CSMD1: variants seen among roughly 807,000 people sequenced by gnomAD.
CSMD1 encodes the protein CUB and Sushi multiple domains 1, also known as CUB and sushi domain-containing protein 1.
Under a neutral mutation model 417.5 loss-of-function variants are expected in CSMD1, and 213 were observed. The ratio of observed to expected loss-of-function variants is 0.51; its 90% CI spans 0.46 to 0.57. The LOEUF (loss-of-function observed/expected upper bound fraction) is 0.57. Ranked by LOEUF, CSMD1 falls within the 20% of genes least tolerant of loss-of-function variation. CSMD1 has a pLI of 0.00. For synonymous variants in CSMD1, 2,862 were observed against 1,736.8 expected, an observed-to-expected ratio of 1.65 and a Z score of -16.11; for missense variants, 6,923 against 4,529.7, an observed-to-expected ratio of 1.53 and a Z score of -15.17.
intron 25 of CSMD1, among the ~76,000 whole-genome samples, chr8:3,302,512 C>G (rs766226811): frequency 6.6e-6 from 1 of 152,164 alleles, no homozygotes; most frequent in Non-Finnish European, 1.5e-5. Context: ...TCATTTCTTC[C>G]CTGCATGTCT....
At chr8:3,843,778 A>G (rs1307752469) in intron 5 of CSMD1, among the ~76,000 whole-genome samples, 1 of 152,212 alleles carries the variant, frequency 6.6e-6, no homozygotes, top group East Asian at 1.9e-4. Flanking sequence ...CAGATCCACC[A>G]TCTGCAAAAT....
intron 1 of CSMD1, among the ~76,000 whole-genome samples, chr8:4,673,955 G>A (rs1805514059): frequency 6.6e-6 from 1 of 152,092 alleles, no homozygotes. Context: ...GGAGGTGATT[G>A]CACACCTCTG....
intron 26 of CSMD1, among the ~76,000 whole-genome samples, chr8:3,254,936 G>A (rs574320715): frequency 6.6e-6 from 1 of 152,268 alleles, no homozygotes; most frequent in East Asian, 1.9e-4. Context: ...CTTTGGAGGA[G>A]GAGAGGTGCT....
intron 7 of CSMD1, among the ~76,000 whole-genome samples, chr8:3,690,065 A>G (rs1339458038): frequency 6.6e-6 from 1 of 152,236 alleles, no homozygotes; most frequent in African/African-American, 2.4e-5. Context: ...ATGTAATCCA[A>G]ACATTGATCT....
At chr8:3,750,644 T>A (rs140784669) in intron 6 of CSMD1, among the ~76,000 whole-genome samples, 61 of 152,292 alleles carry the variant, frequency 4.0e-4, no homozygotes, top group African/African-American at 1.5e-3. Context: ...AAGATTCAGC[T>A]GAACAAATGT....
In CSMD1 at chr8:3,439,307, A is replaced by ATT. The variant is rs1356132702; in HGVS notation, c.1561+29404_1561+29405insAA. ...TATATATATATATATATATATATAT[A>ATT]TATTTTTTTTTTTAATATGTATTTT... On this transcript the variant is annotated intron_variant, in intron 12 of 69. Coordinates refer to ENST00000635120, the MANE Select transcript of CSMD1 (RefSeq NM_033225.6). 3.1e-3 allele frequency among the ~76,000 whole-genome samples: 134 copies of ATT among 43,766 alleles called. 2 individuals carry two copies. Among genetic ancestry groups the ATT allele is most frequent in the Middle Eastern group, 0.011 (1 of 92 alleles). The allele number at this position is 43,766 out of a possible 152,430, so 28.7% of individuals were successfully genotyped here.
At chr8:4,062,782 T>A (rs899960520) in intron 3 of CSMD1, among the ~76,000 whole-genome samples, 4 of 152,026 alleles carry the variant, frequency 2.6e-5, no homozygotes, top group Non-Finnish European at 5.9e-5. Context: ...ATCTGATTGT[T>A]CAAACCCAGT....
At chr8:4,717,046 A>G (rs925486969) in intron 1 of CSMD1, among the ~76,000 whole-genome samples, 1 of 152,078 alleles carries the variant, frequency 6.6e-6, no homozygotes, top group African/African-American at 2.4e-5. Context: ...CCTGAATATC[A>G]CAAAGAAAAA....
chr8:3,522,189 TTA>T (rs1797537163), intron 10 of CSMD1, among the ~76,000 whole-genome samples: 1 of 152,220 alleles, frequency 6.6e-6, no homozygotes, highest in South Asian at 2.1e-4. Flanking sequence ...TGAAAAATCG[TTA>T]TATGATTAAA....
intron 3 of CSMD1, among the ~76,000 whole-genome samples, chr8:4,180,383 C>T (rs1486738236): frequency 1.5e-5 from 2 of 137,158 alleles, no homozygotes; most frequent in Non-Finnish European, 3.0e-5. Flanking sequence ...AAAATGAGAA[C>T]ACATGGACAC....
intron 50 of CSMD1, among the ~76,000 whole-genome samples, chr8:3,040,295 T>C (rs974734237): frequency 3.3e-5 from 5 of 151,656 alleles, no homozygotes; most frequent in African/African-American, 7.3e-5. Context: ...TTAAGTAATA[T>C]ATAGCTTGGA....
chr8:4,020,142 G>C (rs936183651), intron 4 of CSMD1, among the ~76,000 whole-genome samples: 1 of 151,944 alleles, frequency 6.6e-6, no homozygotes, highest in African/African-American at 2.4e-5. Context: ...ATTTTACCTG[G>C]GTTATGCCAT....
At chr8:4,293,657 A>G (rs1411769548) in intron 3 of CSMD1, among the ~76,000 whole-genome samples, 1 of 152,170 alleles carries the variant, frequency 6.6e-6, no homozygotes, top group Non-Finnish European at 1.5e-5. Flanking sequence ...TCTCTTATAA[A>G]CCACCAATAA....
intron 2 of CSMD1, among the ~76,000 whole-genome samples, chr8:4,467,771 C>G (rs1415319892): frequency 6.6e-6 from 1 of 152,114 alleles, no homozygotes; most frequent in Non-Finnish European, 1.5e-5. Flanking sequence ...GTAGAAAGCA[C>G]CTTGCATTTA....
At chr8:4,987,840 G>A (rs1052076040) in intron 1 of CSMD1, among the ~76,000 whole-genome samples, 6 of 152,138 alleles carry the variant, frequency 3.9e-5, no homozygotes, top group African/African-American at 1.4e-4. Context: ...TGTGCTGGAT[G>A]CTTCTTGTCC....
intron 68 of CSMD1, among the ~76,000 whole-genome samples, chr8:2,947,230 C>G (rs78358919): frequency 1.3e-5 from 2 of 152,064 alleles, no homozygotes. Flanking sequence ...GAGTTTCTTA[C>G]GCAAGTTTTT....
At chr8:3,192,588 A>G (rs17079568) in intron 33 of CSMD1, among the ~76,000 whole-genome samples, 15,789 of 152,204 alleles carry the variant, frequency 0.1, 998 homozygotes, top group East Asian at 0.19. Context: ...TAGCCTGGAG[A>G]GAGGCACGAG....
intron 15 of CSMD1, among the ~76,000 whole-genome samples, chr8:3,404,193 G>A (rs1016021156): frequency 6.6e-5 from 10 of 152,128 alleles, no homozygotes; most frequent in Non-Finnish European, 2.9e-5. Flanking sequence ...AATTAGCCAG[G>A]CGTGGTGGCA....
At position 4,145,357 on chromosome 8, in the gene CSMD1, C is replaced by G. The variant is rs551118312; in HGVS notation, c.416-113258G>C. 1.4e-3 allele frequency among the ~76,000 whole-genome samples: 213 copies of G among 151,078 alleles called. 20 individuals carry two copies. Among genetic ancestry groups the G allele is most frequent in the African/African-American group, 5.0e-3 (201 of 40,426 alleles). Reference sequence around the variant, plus strand: ...AAATGATCCAATATGTCAGAAAGATCTGGAAAAATGTCCCAAACATTATAT... The same window carrying G: ...AAATGATCCAATATGTCAGAAAGATGTGGAAAAATGTCCCAAACATTATAT... On this transcript the variant is annotated intron_variant, in intron 3 of 69. Coordinates refer to ENST00000635120, the MANE Select transcript of CSMD1 (RefSeq NM_033225.6).
Sources: allele counts gnomAD v4.1 joint callset (sites outside exome capture counted in the v4.1 genomes callset), GRCh38; gene constraint gnomAD v4.1.1; transcripts MANE v1.5; gene names NCBI Gene and HGNC (gene_info 2026-07-23, HGNC 2026-07-21).